The following LNPEP variants were observed in gnomAD, a reference collection of about 807,000 sequenced individuals.
LNPEP encodes the protein leucyl and cystinyl aminopeptidase.
In LNPEP, 64 loss-of-function variants were observed where a neutral mutation model predicts 120.6. That is an observed-to-expected ratio of 0.53 (90% CI 0.43 to 0.65). LNPEP has a LOEUF of 0.65. Ranked by LOEUF, LNPEP falls within the 30% of genes least tolerant of loss-of-function variation. The pLI, the probability that LNPEP is intolerant of heterozygous loss-of-function variation, is 0.00. For synonymous variants in LNPEP, 435 were observed against 425.4 expected (o/e 1.02, Z -0.28); for missense variants, 1,057 against 1,200.0 (o/e 0.88, Z 1.76).
chr5:96,984,807 C>T (rs1790203786), intron 2 of LNPEP, among the ~76,000 whole-genome samples: 1 of 152,180 alleles, frequency 6.6e-6, no homozygotes, highest in Admixed American at 6.5e-5. Flanking sequence ...TTTAGGCCCT[C>T]TTCAGGTTTT....
chr5:96,973,346 T>C (rs1789914599), intron 1 of LNPEP, among the ~76,000 whole-genome samples: 1 of 152,016 alleles, frequency 6.6e-6, no homozygotes, highest in African/African-American at 2.4e-5. Context: ...TTAAAAAAAA[T>C]AGAATTTTTT....
At chr5:96,975,255 G>A (rs1789960855) in intron 1 of LNPEP, among the ~76,000 whole-genome samples, 1 of 152,052 alleles carries the variant, frequency 6.6e-6, no homozygotes, top group South Asian at 2.1e-4. Context: ...TACACTGAAT[G>A]CCATCTCATA....
chr5:96,958,488 A>G (rs1348863136), intron 1 of LNPEP: 3 of 985,498 alleles, frequency 3.0e-6, no homozygotes, highest in East Asian at 1.1e-4. Context: ...GGAGCCGTAC[A>G]GCCATGAATG....
At chr5:97,021,798 A>G (rs952713278) in intron 13 of LNPEP, among the ~76,000 whole-genome samples, 3 of 149,590 alleles carry the variant, frequency 2.0e-5, no homozygotes, top group African/African-American at 7.5e-5. Flanking sequence ...TCCCAGCCGT[A>G]TGTGGGTTTC....
At chr5:96,986,256 G>A (rs1208413624) in intron 3 of LNPEP, among the ~76,000 whole-genome samples, 1 of 152,132 alleles carries the variant, frequency 6.6e-6, no homozygotes, top group Non-Finnish European at 1.5e-5. Flanking sequence ...AATGGGAGAA[G>A]CAGAACCAAT....
At chr5:96,959,073 C>T (rs1381027137) in intron 1 of LNPEP, among the ~76,000 whole-genome samples, 1 of 152,074 alleles carries the variant, frequency 6.6e-6, no homozygotes, top group Non-Finnish European at 1.5e-5. Flanking sequence ...ATCCGCTTGC[C>T]TTGGCCTCCC....
intron 1 of LNPEP, among the ~76,000 whole-genome samples, chr5:96,957,394 T>G (rs1269548734): frequency 6.6e-6 from 1 of 152,192 alleles, no homozygotes; most frequent in Non-Finnish European, 1.5e-5. Flanking sequence ...CATTTCCTAA[T>G]CCCTGAAGCC....
chr5:96,982,158 G>A (rs1398035847), intron 2 of LNPEP, among the ~76,000 whole-genome samples: 1 of 152,138 alleles, frequency 6.6e-6, no homozygotes, highest in South Asian at 2.1e-4. Flanking sequence ...ATGGCAAGCA[G>A]ATAGCAGAGG....
intron 1 of LNPEP, among the ~76,000 whole-genome samples, chr5:96,941,996 A>G (rs749082073): frequency 6.6e-6 from 1 of 152,176 alleles, no homozygotes; most frequent in Admixed American, 6.6e-5. Context: ...GACAGAGTCT[A>G]GGTTGGAAGG....
intron 11 of LNPEP, among the ~76,000 whole-genome samples, chr5:97,008,684 A>G (rs1341063350): frequency 2.1e-4 from 5 of 24,030 alleles, no homozygotes; most frequent in African/African-American, 5.7e-4. Flanking sequence ...TTTTTTTTTG[A>G]GACAGAGTCT....
intron 1 of LNPEP, chr5:96,958,657 C>A: frequency 4.6e-6 from 1 of 218,940 alleles, no homozygotes; most frequent in Non-Finnish European, 7.7e-6. Flanking sequence ...GTTGGCAGGG[C>A]TGTGTGTTCC....
At chr5:96,946,007 T>C (rs920095868) in intron 1 of LNPEP, among the ~76,000 whole-genome samples, 9 of 152,200 alleles carry the variant, frequency 5.9e-5, no homozygotes, top group Admixed American at 5.2e-4. Flanking sequence ...GCTTGTCCTA[T>C]AATTGTCGGA....
chr5:97,014,567 A>T (rs1395018261), intron 12 of LNPEP, among the ~76,000 whole-genome samples: 1 of 118,242 alleles, frequency 8.5e-6, no homozygotes, highest in East Asian at 2.2e-4. Flanking sequence ...TTAAAAAAAG[A>T]AATCAGATAC....
chr5:96,980,048 A>G, intron 2 of LNPEP, 70 bp downstream of exon 2: 2 of 1,380,746 alleles, frequency 1.4e-6, no homozygotes, highest in Non-Finnish European at 2.0e-6. Context: ...CCCTTTGTCC[A>G]CACCAGAGAC....
In LNPEP at chr5:97,013,728, G is replaced by C; in HGVS notation, c.2116G>C (p.Asp706His). 1.9e-6 allele frequency: 3 copies of C among 1,610,020 alleles called. No individual in the cohort carries two copies. The South Asian group carries it at 3.3e-5, about 18-fold the overall frequency. Residue 706 changes from aspartate (D) to histidine (H), a missense_variant, in exon 12 of 18, where the codon GAT becomes CAT. Transcript: ENST00000231368. ...TGGTTATTATATTGTACACTATGCA[G>C]ATGATGATTGGGAAGCACTAATCCA... ...MNGYYIVHYADDDWEALIHQL... is the reference protein window; with the variant it reads ...MNGYYIVHYAHDDWEALIHQL...
intron 11 of LNPEP, chr5:97,010,858 C>G (rs1261628589): frequency 1.0e-6 from 1 of 985,256 alleles, no homozygotes; most frequent in East Asian, 1.1e-4. Context: ...TTTTTCAATA[C>G]CTGTGGTTTT....
intron 8 of LNPEP, among the ~76,000 whole-genome samples, chr5:97,002,839 T>A (rs1224510476): frequency 6.6e-6 from 1 of 152,226 alleles, no homozygotes; most frequent in African/African-American, 2.4e-5. Context: ...TAGTGTGGCC[T>A]TAATATTATG....
intron 1 of LNPEP, among the ~76,000 whole-genome samples, chr5:96,961,708 G>A (rs551582990): frequency 2.0e-5 from 3 of 151,926 alleles, no homozygotes; most frequent in African/African-American, 4.8e-5. Flanking sequence ...CAGTTTACAC[G>A]AATCATCCCA....
At chr5:97,012,107 A>C (rs1347904307) in intron 11 of LNPEP, among the ~76,000 whole-genome samples, 1 of 152,232 alleles carries the variant, frequency 6.6e-6, no homozygotes, top group East Asian at 1.9e-4. Flanking sequence ...TGAACATTTT[A>C]AAACAGCCTA....
Sources: gnomAD v4.1 joint callset for allele counts (sites outside exome capture counted in the v4.1 genomes callset) on GRCh38, gnomAD v4.1.1 for gene constraint, MANE v1.5 for transcripts, NCBI Gene and HGNC (gene_info 2026-07-23, HGNC 2026-07-21) for gene names.